Variants in PPP2R5B observed in about 807,000 individuals in gnomAD.
PPP2R5B encodes protein phosphatase 2 regulatory subunit B'beta, also known as serine/threonine-protein phosphatase 2A 56 kDa regulatory subunit beta isoform.
Under a neutral mutation model 59.9 loss-of-function variants are expected in PPP2R5B, and 19 were observed. The ratio of observed to expected loss-of-function variants is 0.32; its 90% CI spans 0.22 to 0.47. The LOEUF (loss-of-function observed/expected upper bound fraction) is 0.47. PPP2R5B is among the 20% of genes least tolerant of loss of function. The pLI, the probability that PPP2R5B is intolerant of heterozygous loss-of-function variation, is 1.00. For synonymous variants in PPP2R5B, 286 were observed against 260.5 expected (o/e 1.10, Z -0.94); for missense variants, 441 against 640.2 (o/e 0.69, Z 3.36).
intron 11 of PPP2R5B, 99 bp from the exon 12 acceptor site, chr11:64,932,666 G>C (rs1035628237): frequency 3.8e-5 from 56 of 1,478,076 alleles, no homozygotes; most frequent in Non-Finnish European, 4.9e-5. Context: ...GTGTGTGAAG[G>C]TCAGGGGGCC....
upstream of PPP2R5B, among the ~76,000 whole-genome samples, chr11:64,921,083 G>C (rs1335175930): frequency 6.6e-6 from 1 of 151,830 alleles, no homozygotes; most frequent in Admixed American, 6.6e-5. Context: ...GCCTCCCCGA[G>C]TAGCTGGGAC....
chr11:64,925,197 G>T lies in PPP2R5B; in HGVS notation c.-265+169G>T, dbSNP rs1369854641. Among the ~76,000 whole-genome samples the T allele has an allele frequency of 1.3e-5, 2 of 152,170 alleles. No individual in the cohort carries two copies. The highest frequency in any genetic ancestry group is 4.8e-5 in the African/African-American group (2 of 41,434). ...CAGCGATGCGTTCCATTCTGAAAGGGGCAGGGATGACGATCGGGGCTCCAT... is the reference window on the plus strand; with the variant it reads ...CAGCGATGCGTTCCATTCTGAAAGGTGCAGGGATGACGATCGGGGCTCCAT... On this transcript the variant is annotated intron_variant, in intron 1 of 13. Coordinates refer to ENST00000164133, the MANE Select transcript of PPP2R5B (RefSeq NM_006244.4). The surrounding 1 kb of genome is among the most constrained non-coding windows in gnomAD (Gnocchi z 4.6).
upstream of PPP2R5B, among the ~76,000 whole-genome samples, chr11:64,922,747 C>G (rs1231672095): frequency 6.6e-6 from 1 of 151,612 alleles, no homozygotes. Flanking sequence ...TGGTGGTGGG[C>G]GCCTGAAGTC....
chr11:64,933,141 C>A lies in PPP2R5B; in HGVS notation c.1245-4C>A. Reference sequence around the variant, plus strand: ...TCTCCTCATCCCTCCTTGACACTGCCAAGAACCATCGTATCACTGATCTAC... The same window carrying A: ...TCTCCTCATCCCTCCTTGACACTGCAAAGAACCATCGTATCACTGATCTAC... On this transcript the variant is annotated splice_region_variant and splice_polypyrimidine_tract_variant and intron_variant, in intron 12 of 13. Transcript: ENST00000164133. 2 of 1,607,980 alleles carry A rather than the reference C, an allele frequency of 1.2e-6. No individual in the cohort carries two copies. Among genetic ancestry groups the A allele is most frequent in the African/African-American group, 2.7e-5 (2 of 74,874 alleles).
chr11:64,934,403 G>T lies in PPP2R5B; in HGVS notation c.*559G>T, dbSNP rs111561429. ...AGATTCACAGTGTCCTGGGGTAAGG[G>T]GGGGTTCACAGTAATCATGGTCTAC... On this transcript the variant is annotated 3_prime_UTR_variant, in exon 14 of 14. Transcript: ENST00000164133. The T allele has an allele frequency of 5.6e-6, 2 of 358,678 alleles. No homozygotes were observed. The highest frequency in any genetic ancestry group is 1.4e-4 in the East Asian group (2 of 14,714). 22.2% of individuals were successfully genotyped at this position (358,678 alleles called of 1,614,324 possible).
At chr11:64,917,869 G>A (rs187197421) in intron 1 of PPP2R5B, among the ~76,000 whole-genome samples, 5 of 152,294 alleles carry the variant, frequency 3.3e-5, no homozygotes, top group African/African-American at 1.2e-4. Flanking sequence ...CTCAGAGGGA[G>A]ATTAACTGAC....
rs1311471126 is a variant in PPP2R5B at position 64,932,742 on chromosome 11, C to T, written c.1117-23C>T. 1.9e-6 allele frequency: 3 copies of T among 1,611,494 alleles called. No homozygotes were observed. In the South Asian group the frequency reaches 3.3e-5, roughly 18 times the overall value. On this transcript the variant is annotated intron_variant, in intron 11 of 13. Transcript: ENST00000164133. ...GAGAGAAGCCACTGCCAGTTAATCACTCTGCCATCTTGTCTGCCCCAGGTT... is the reference window on the plus strand; with the variant it reads ...GAGAGAAGCCACTGCCAGTTAATCATTCTGCCATCTTGTCTGCCCCAGGTT...
rs576201717 is a variant in PPP2R5B, at chr11:64,931,051, A to C, written c.892-385A>C. 4.0e-5 allele frequency among the ~76,000 whole-genome samples: 6 copies of C among 149,980 alleles called. No homozygotes were observed. The highest frequency in any genetic ancestry group is 7.4e-5 in the Non-Finnish European group (5 of 67,392). On this transcript the variant is annotated intron_variant, in intron 8 of 13. Coordinates refer to ENST00000164133, the MANE Select transcript of PPP2R5B (RefSeq NM_006244.4). The surrounding 1 kb of genome is among the most constrained non-coding windows in gnomAD (Gnocchi z 5.0). ...CCACATGCCTGGCTAATTAAAAAAA[A>C]TTTTTTTTTTGTAGAGACAGTGTCT... is the stretch of plus-strand genomic sequence containing the variant.
chr11:64,920,630 G>GTT (rs773354729), upstream of PPP2R5B, among the ~76,000 whole-genome samples: 26 of 58,078 alleles, frequency 4.5e-4, no homozygotes, highest in Non-Finnish European at 8.8e-4. Context: ...AGGTCCAGCA[G>GTT]TTATTTTTTT....
chr11:64,933,055 G>T, intron 12 of PPP2R5B, 90 bp from the exon 13 acceptor site: 1 of 1,492,656 alleles, frequency 6.7e-7, no homozygotes, highest in South Asian at 1.1e-5. Context: ...CTTGTGTTCA[G>T]GTGGAATGCT....
At position 64,925,886 on chromosome 11, in the gene PPP2R5B, G is replaced by A. The variant is rs1945158526; in HGVS notation, c.152G>A (p.Arg51His). 6.2e-7 allele frequency: 1 copy of A among 1,611,730 alleles called. No homozygotes were observed. Among genetic ancestry groups the A allele is most frequent in the Non-Finnish European group, 8.5e-7 (1 of 1,179,868 alleles). Residue 51 changes from arginine (R) to histidine (H), a missense_variant, in exon 2 of 14, where the codon CGC (arginine) becomes CAC (histidine). Around this residue, in one of 3 missense-constraint regions of PPP2R5B, gnomAD observed 103 missense variants for 87.9 expected, o/e 1.17. Coordinates refer to ENST00000164133, the MANE Select transcript of PPP2R5B (RefSeq NM_006244.4). This position sits in a 1 kb window ranked among gnomAD's most constrained non-coding sequence, Gnocchi z 4.6. ...CGCTCCCACAGCTCCTCTCAGTTCC[G>A]CTATCAGAGCAACCAGCAAGAGCTC... is the stretch of plus-strand genomic sequence containing the variant. ...PRRSHSSSQF[R>H]YQSNQQELTP...
At chr11:64,920,494 G>A (rs1229171551), upstream of PPP2R5B, among the ~76,000 whole-genome samples, 1 of 152,162 alleles carries the variant, frequency 6.6e-6, no homozygotes, top group African/African-American at 2.4e-5. Context: ...ACCTAGCCTC[G>A]GAGTAGGAGC....
chr11:64,918,763 A>G (rs1262004423), intron 1 of PPP2R5B, among the ~76,000 whole-genome samples: 1 of 152,196 alleles, frequency 6.6e-6, no homozygotes, highest in Non-Finnish European at 1.5e-5. Context: ...AGCTGGGATT[A>G]CAGGTGTGAG....
chr11:64,928,255 CCCCTGA>C (rs768749217), intron 5 of PPP2R5B, 34 bp from the exon 6 acceptor site: 65 of 1,611,864 alleles, frequency 4.0e-5, no homozygotes, highest in African/African-American at 1.4e-4. Flanking sequence ...GTGGACCTTT[CCCCTGA>C]CCCTGACCCT....
chr11:64,919,425 C>T (rs1035447672), intron 1 of PPP2R5B, among the ~76,000 whole-genome samples: 9 of 151,794 alleles, frequency 5.9e-5, no homozygotes, highest in African/African-American at 2.2e-4. Context: ...CAGTACTGTG[C>T]TCACCAACTG....
chr11:64,931,924 GCTGA>G lies in PPP2R5B; in HGVS notation c.1116+58_1116+61del. The G allele has an allele frequency of 6.3e-7, 1 of 1,587,364 alleles. No individual in the cohort carries two copies. Among genetic ancestry groups the G allele is most frequent in the Non-Finnish European group, 8.6e-7 (1 of 1,167,320 alleles). ...AGGGCTGGCCTGGAAAGGTTGGGTAGCTGACCTAATAAAGCTCCCTTTGCCCTCA... is the reference window on the plus strand; with the variant it reads ...AGGGCTGGCCTGGAAAGGTTGGGTAGCCTAATAAAGCTCCCTTTGCCCTCA... On this transcript the variant is annotated intron_variant, in intron 11 of 13. Coordinates refer to ENST00000164133, the MANE Select transcript of PPP2R5B (RefSeq NM_006244.4). The surrounding 1 kb of genome is among the most constrained non-coding windows in gnomAD (Gnocchi z 5.0).
chr11:64,925,607 T>G lies in PPP2R5B; in HGVS notation c.-128T>G, dbSNP rs1384951717. ...GGCCCTGGGGGGGGGCCCAGGACTGTGGTTGTGCCCCCCCCCCAAAGGCCG... is the reference window on the plus strand; with the variant it reads ...GGCCCTGGGGGGGGGCCCAGGACTGGGGTTGTGCCCCCCCCCCAAAGGCCG... On this transcript the variant is annotated 5_prime_UTR_variant, in exon 2 of 14. Coordinates refer to ENST00000164133, the MANE Select transcript of PPP2R5B (RefSeq NM_006244.4). This position sits in a 1 kb window ranked among gnomAD's most constrained non-coding sequence, Gnocchi z 4.6. 18 of 559,582 alleles carry G rather than the reference T, an allele frequency of 3.2e-5. No homozygotes were observed. The highest frequency in any genetic ancestry group is 4.1e-5 in the African/African-American group (2 of 48,536). 34.7% of individuals were successfully genotyped at this position (559,582 alleles called of 1,614,324 possible).
In PPP2R5B at chr11:64,932,832, A is replaced by G. The variant is rs1945241718; in HGVS notation, c.1184A>G (p.His395Arg). 1.9e-6 allele frequency: 3 copies of G among 1,614,182 alleles called. No homozygotes were observed. Among genetic ancestry groups the G allele is most frequent in the Non-Finnish European group, 8.5e-7 (1 of 1,180,016 alleles). Residue 395 changes from histidine (H) to arginine (R), a missense_variant, in exon 12 of 14, where the codon CAC becomes CGC. His to Arg is a conservative substitution (Grantham distance 29). This residue lies in a region of PPP2R5B where 268 missense variants were observed against 488.1 expected (regional missense o/e 0.55). Coordinates refer to ENST00000164133, the MANE Select transcript of PPP2R5B (RefSeq NM_006244.4). ...CTAAGCCTCATTGAGGACAACTGCCACACTGTGCTGCCTGCTGTGTTTGGG... is the reference window on the plus strand; with the variant it reads ...CTAAGCCTCATTGAGGACAACTGCCGCACTGTGCTGCCTGCTGTGTTTGGG... The part of the protein sequence containing the change: ...YILSLIEDNC[H>R]TVLPAVFGTL...
At chr11:64,932,326 A>G (rs1275292096) in intron 11 of PPP2R5B, among the ~76,000 whole-genome samples, 1 of 152,194 alleles carries the variant, frequency 6.6e-6, no homozygotes. Flanking sequence ...TGCTGCAAGC[A>G]TGTGCAGACT....
Sources: allele counts gnomAD v4.1 joint callset (sites outside exome capture counted in the v4.1 genomes callset), GRCh38; gene constraint gnomAD v4.1.1; regional missense constraint gnomAD v4.1.1; non-coding constraint Gnocchi (gnomAD v3.1); transcripts MANE v1.5; gene names NCBI Gene and HGNC (gene_info 2026-07-23, HGNC 2026-07-21).